GALNT13: variants seen among roughly 807,000 people sequenced by gnomAD.
GALNT13 encodes the protein UDP-GalNAc:polypeptide N-acetylgalactosaminyltransferase 13.
Under a neutral mutation model 64.2 loss-of-function variants are expected in GALNT13, and 28 were observed. The ratio of observed to expected loss-of-function variants is 0.44; its 90% CI spans 0.32 to 0.60. GALNT13 has a LOEUF of 0.60. GALNT13 is among the 20% of genes least tolerant of loss of function. The pLI, the probability that GALNT13 is intolerant of heterozygous loss-of-function variation, is 0.05. For synonymous variants in GALNT13, 214 were observed against 224.6 expected (o/e 0.95, Z 0.42); for missense variants, 577 against 669.8 (o/e 0.86, Z 1.53).
At chr2:154,223,453 T>TC (rs1688426389) in intron 4 of GALNT13, among the ~76,000 whole-genome samples, 1 of 77,634 alleles carries the variant, frequency 1.3e-5, no homozygotes. Flanking sequence ...TTTTTCTTTT[T>TC]TTTTTTTTTT....
chr2:153,271,849 C>T, the GALNT13 span, among the ~76,000 whole-genome samples: 3 of 152,116 alleles, frequency 2.0e-5, no homozygotes, highest in African/African-American at 7.2e-5. Context: ...AGGCATTATG[C>T]TACCTGTCTT....
At chr2:153,771,025 G>C in the GALNT13 span, among the ~76,000 whole-genome samples, 1 of 152,164 alleles carries the variant, frequency 6.6e-6, no homozygotes, top group Non-Finnish European at 1.5e-5. Flanking sequence ...AGATATGTCT[G>C]GGTGTCAAGC....
the GALNT13 span, among the ~76,000 whole-genome samples, chr2:153,853,950 C>T: frequency 2.0e-5 from 3 of 151,570 alleles, no homozygotes; most frequent in Non-Finnish European, 4.4e-5. Flanking sequence ...TGAACATATC[C>T]ATCCATCACC....
intron 4 of GALNT13, among the ~76,000 whole-genome samples, chr2:154,195,285 T>G (rs774663331): frequency 5.3e-5 from 8 of 152,166 alleles, no homozygotes; most frequent in Non-Finnish European, 1.0e-4. Flanking sequence ...CTACTCTACC[T>G]TCATTAAATT....
chr2:153,140,214 T>A, the GALNT13 span, among the ~76,000 whole-genome samples: 1 of 152,040 alleles, frequency 6.6e-6, no homozygotes, highest in Non-Finnish European at 1.5e-5. Flanking sequence ...GAGCACATAA[T>A]GTATGCCAAG....
chr2:154,349,609 T>A (rs1441909024), intron 9 of GALNT13, among the ~76,000 whole-genome samples: 2 of 152,176 alleles, frequency 1.3e-5, no homozygotes, highest in African/African-American at 4.8e-5. Flanking sequence ...TACTATGATA[T>A]CATTCAAATT....
At chr2:153,925,871 A>G (rs1162707782) in intron 2 of GALNT13, among the ~76,000 whole-genome samples, 1 of 152,074 alleles carries the variant, frequency 6.6e-6, no homozygotes, top group African/African-American at 2.4e-5. Flanking sequence ...TTGTTGGTGT[A>G]TAGGAATGCT....
the GALNT13 span, among the ~76,000 whole-genome samples, chr2:153,271,363 A>G: frequency 1.4e-4 from 22 of 152,336 alleles, no homozygotes; most frequent in Admixed American, 2.0e-4. Flanking sequence ...CTGTATATTT[A>G]GAAAACCCCA....
At chr2:153,568,375 A>G in the GALNT13 span, among the ~76,000 whole-genome samples, 1 of 152,126 alleles carries the variant, frequency 6.6e-6, no homozygotes, top group South Asian at 2.1e-4. Flanking sequence ...GAGCTACCAC[A>G]CCTGGCACAA....
At chr2:153,509,799 A>T in the GALNT13 span, among the ~76,000 whole-genome samples, 2 of 152,204 alleles carry the variant, frequency 1.3e-5, no homozygotes, top group African/African-American at 4.8e-5. Flanking sequence ...CTCTAGCAGA[A>T]GGCCTTTTAT....
At chr2:153,901,105 A>G (rs910215542) in intron 2 of GALNT13, 98 bp downstream of exon 2, 4 of 152,046 alleles carry the variant, frequency 2.6e-5, no homozygotes, top group African/African-American at 9.7e-5. Flanking sequence ...AGTCTTTGAT[A>G]TTGTCAACAT....
the GALNT13 span, among the ~76,000 whole-genome samples, chr2:153,225,633 G>A: frequency 4.6e-5 from 7 of 152,006 alleles, no homozygotes; most frequent in African/African-American, 1.7e-4. Context: ...ATACAGCAAG[G>A]TCACAGGATG....
chr2:154,166,978 G>C (rs916379665), intron 4 of GALNT13, among the ~76,000 whole-genome samples: 1 of 151,988 alleles, frequency 6.6e-6, no homozygotes, highest in Non-Finnish European at 1.5e-5. Context: ...GGCCTGTTGT[G>C]GGGTGGGGGG....
At position 154,105,824 on chromosome 2, in the gene GALNT13, G is replaced by A. The variant is rs555873534; in HGVS notation, c.143-34513G>A. On this transcript the variant is annotated intron_variant, in intron 3 of 12. Transcript: ENST00000392825. ...TTGAGTACTTGAAATGTGCAGTGAA[G>A]AGACTAAATTTTTATTTTATTTCAA... Among the ~76,000 whole-genome samples the A allele has an allele frequency of 2.6e-5, 4 of 152,146 alleles. No individual in the cohort carries two copies. The East Asian group carries it at 5.8e-4, about 22-fold the overall frequency.
chr2:154,431,090 T>A (rs1700690784), intron 11 of GALNT13, among the ~76,000 whole-genome samples: 1 of 152,118 alleles, frequency 6.6e-6, no homozygotes, highest in Non-Finnish European at 1.5e-5. Flanking sequence ...ACAGTATCTC[T>A]GAAGTTTGCC....
the GALNT13 span, among the ~76,000 whole-genome samples, chr2:153,343,020 G>T: frequency 6.6e-6 from 1 of 152,198 alleles, no homozygotes; most frequent in Non-Finnish European, 1.5e-5. Flanking sequence ...AAATCTACAT[G>T]CTATGTAGTC....
chr2:154,093,677 T>TC (rs1408510056), intron 3 of GALNT13, among the ~76,000 whole-genome samples: 1 of 151,550 alleles, frequency 6.6e-6, no homozygotes, highest in Non-Finnish European at 1.5e-5. Flanking sequence ...TTCTTTTTTT[T>TC]TTTTTTCATC....
intron 4 of GALNT13, among the ~76,000 whole-genome samples, chr2:154,231,505 A>T (rs906481995): frequency 6.6e-6 from 1 of 152,078 alleles, no homozygotes; most frequent in South Asian, 2.1e-4. Flanking sequence ...CACTTAATTT[A>T]TTCAAAAATG....
At chr2:154,414,583 A>G (rs896529621) in intron 11 of GALNT13, among the ~76,000 whole-genome samples, 1 of 151,770 alleles carries the variant, frequency 6.6e-6, no homozygotes, top group Admixed American at 6.6e-5. Context: ...TATTTCTAGC[A>G]TTATCAGTGC....
Sources: gnomAD v4.1 joint callset for allele counts (sites outside exome capture counted in the v4.1 genomes callset) on GRCh38, gnomAD v4.1.1 for gene constraint, MANE v1.5 for transcripts, NCBI Gene and HGNC (gene_info 2026-07-23, HGNC 2026-07-21) for gene names.